Variants in AMN1 observed in about 807,000 individuals in gnomAD.
The protein encoded by AMN1 is antagonist of mitotic exit network 1 homolog.
In AMN1, 20 loss-of-function variants were observed where a neutral mutation model predicts 33.0. The ratio of observed to expected loss-of-function variants is 0.61; its 90% confidence interval spans 0.43 to 0.88. AMN1 has a LOEUF of 0.88. Among genes scored for constraint, AMN1 ranks in the 40% least tolerant of loss-of-function variants. AMN1 has a pLI of 0.00. For missense variants in AMN1, 246 were observed against 307.4 expected, an observed-to-expected ratio of 0.80 and a Z score of 1.49; for synonymous variants, 114 against 111.9, an observed-to-expected ratio of 1.02 and a Z score of -0.12.
chr12:31,674,883 A>AT (rs1365470925), intron 6 of AMN1, among the ~76,000 whole-genome samples: 1 of 151,760 alleles, frequency 6.6e-6, no homozygotes, highest in Non-Finnish European at 1.5e-5. Context: ...TTAGCCATGC[A>AT]TGGTGGTGGG....
intron 6 of AMN1, among the ~76,000 whole-genome samples, 183 bp downstream of exon 6, chr12:31,688,819 TTAAAA>T (rs57472294): frequency 2.6e-5 from 4 of 151,200 alleles, no homozygotes; most frequent in Non-Finnish European, 4.4e-5. Flanking sequence ...TCCCAAAAAA[TTAAAA>T]TAAAATAAAA....
In AMN1 at chr12:31,697,038, C is replaced by T. The variant is rs544955779; in HGVS notation, c.591+323G>A. Among the ~76,000 whole-genome samples the T allele has an allele frequency of 1.2e-4, 18 of 152,082 alleles. 1 individual carries two copies. Among genetic ancestry groups the T allele is most frequent in the Non-Finnish European group, 2.5e-4 (17 of 68,018 alleles). ...AGAAATATCATTAAGACCTGAAATC[C>T]TATTATAAATAATATCACTTTACAC... On this transcript the variant is annotated intron_variant, in intron 5 of 6. Transcript: ENST00000281471.
intron 2 of AMN1, among the ~76,000 whole-genome samples, chr12:31,704,409 G>C (rs996348601): frequency 1.3e-5 from 2 of 151,156 alleles, no homozygotes; most frequent in Admixed American, 1.3e-4. Flanking sequence ...TTATTGGCTT[G>C]GAGGGATTCT....
At chr12:31,709,566 C>A in intron 1 of AMN1, 141 bp from the exon 2 acceptor site, 2 of 1,042,686 alleles carry the variant, frequency 1.9e-6, no homozygotes, top group Non-Finnish European at 2.7e-6. Flanking sequence ...CGCCTGTAAT[C>A]CCAACACTTT....
intron 1 of AMN1, among the ~76,000 whole-genome samples, chr12:31,714,089 A>G (rs1694211400): frequency 6.6e-6 from 1 of 152,194 alleles, no homozygotes; most frequent in Admixed American, 6.5e-5. Flanking sequence ...AGCAGCATGG[A>G]AAGCTTTTTT....
intron 1 of AMN1, among the ~76,000 whole-genome samples, chr12:31,718,915 G>A (rs190171969): frequency 3.1e-4 from 47 of 152,226 alleles, no homozygotes; most frequent in Middle Eastern, 3.4e-3. Context: ...CCCTCCCCCC[G>A]CCAAGCTCCC....
At chr12:31,694,852 C>G (rs1250499265) in intron 5 of AMN1, among the ~76,000 whole-genome samples, 1 of 152,108 alleles carries the variant, frequency 6.6e-6, no homozygotes, top group Non-Finnish European at 1.5e-5. Flanking sequence ...ACCTATAGTT[C>G]TAGCACTTTA....
intron 6 of AMN1, among the ~76,000 whole-genome samples, chr12:31,682,451 C>G (rs187788728): frequency 7.9e-6 from 1 of 127,378 alleles, no homozygotes; most frequent in East Asian, 2.6e-4. Flanking sequence ...TAAGAGAATT[C>G]CTGGAGGACT....
chr12:31,675,207 C>T (rs1443695317), intron 6 of AMN1, among the ~76,000 whole-genome samples: 1 of 151,590 alleles, frequency 6.6e-6, no homozygotes, highest in African/African-American at 2.4e-5. Flanking sequence ...CACTTGAGCC[C>T]AGGAGTTCAA....
chr12:31,717,537 T>C (rs1034202780), intron 1 of AMN1, among the ~76,000 whole-genome samples: 1 of 152,226 alleles, frequency 6.6e-6, no homozygotes, highest in African/African-American at 2.4e-5. Context: ...AAAGATTAAA[T>C]AAATTCTTCT....
At chr12:31,729,105 T>C, upstream of AMN1, 1 of 1,341,158 alleles carries the variant, frequency 7.5e-7, no homozygotes. Context: ...ACGCGTAGGT[T>C]TTTGTGACGT....
intron 1 of AMN1, chr12:31,715,518 C>A: frequency 5.8e-6 from 1 of 171,714 alleles, no homozygotes; most frequent in South Asian, 1.4e-4. Context: ...TGAAGCTGTT[C>A]TTTTATTGAT....
intron 6 of AMN1, among the ~76,000 whole-genome samples, chr12:31,682,931 T>TATAAGAA (rs1239553620): frequency 1.3e-5 from 2 of 151,958 alleles, no homozygotes; most frequent in African/African-American, 4.8e-5. Flanking sequence ...CACACAAAAA[T>TATAAGAA]ATAAGAAGTG....
At chr12:31,706,780 A>C (rs1939260556) in intron 2 of AMN1, among the ~76,000 whole-genome samples, 2 of 152,182 alleles carry the variant, frequency 1.3e-5, no homozygotes, top group Non-Finnish European at 2.9e-5. Context: ...ATGTCAGCTT[A>C]GTAGGGCCGA....
intron 1 of AMN1, chr12:31,714,925 T>C (rs1353073982): frequency 2.0e-6 from 2 of 983,752 alleles, no homozygotes; most frequent in Admixed American, 1.2e-4. Flanking sequence ...TTGTGCAATT[T>C]TATTAACCAT....
chr12:31,704,972 T>G (rs1476399593), intron 2 of AMN1, among the ~76,000 whole-genome samples: 1 of 152,070 alleles, frequency 6.6e-6, no homozygotes, highest in Non-Finnish European at 1.5e-5. Flanking sequence ...CATCTATGAG[T>G]CACATATAAC....
intron 6 of AMN1, among the ~76,000 whole-genome samples, chr12:31,679,397 G>A (rs1348605150): frequency 1.3e-5 from 2 of 152,074 alleles, no homozygotes; most frequent in African/African-American, 4.8e-5. Context: ...CAGGCATGGT[G>A]GCACACACCT....
intron 1 of AMN1, among the ~76,000 whole-genome samples, chr12:31,720,001 A>G (rs986899938): frequency 1.3e-5 from 2 of 152,202 alleles, no homozygotes; most frequent in African/African-American, 4.8e-5. Context: ...GTATGTGTGT[A>G]TATATATATT....
At chr12:31,713,650 G>C (rs1939555923) in intron 1 of AMN1, among the ~76,000 whole-genome samples, 1 of 152,154 alleles carries the variant, frequency 6.6e-6, no homozygotes, top group Non-Finnish European at 1.5e-5. Flanking sequence ...AGACCAGCCT[G>C]GGAAACATGG....
Sources: gnomAD v4.1 joint callset for allele counts (sites outside exome capture counted in the v4.1 genomes callset) on GRCh38, gnomAD v4.1.1 for gene constraint, MANE v1.5 for transcripts, NCBI Gene and HGNC (gene_info 2026-07-23, HGNC 2026-07-21) for gene names.